The following DTNBP1 variants were observed in gnomAD, a reference collection of about 807,000 sequenced individuals.
DTNBP1 encodes dysbindin.
DTNBP1 carries 35 observed loss-of-function variants against 42.8 expected under a neutral mutation model. The observed-to-expected ratio is 0.82, with a 90% CI of 0.63 to 1.09. The LOEUF is 1.09. DTNBP1 is among the 50% of genes least tolerant of loss of function. DTNBP1 has a pLI of 0.00. For synonymous variants in DTNBP1, 171 were observed against 162.2 expected, an observed-to-expected ratio of 1.05 and a Z score of -0.41; for missense variants, 457 against 424.2, an observed-to-expected ratio of 1.08 and a Z score of -0.68.
intron 8 of DTNBP1, among the ~76,000 whole-genome samples, chr6:15,526,950 T>TTA (rs1772448013): frequency 6.6e-6 from 1 of 152,154 alleles, no homozygotes; most frequent in Admixed American, 6.5e-5. Context: ...AGTTAAGAGA[T>TTA]TATACAACTA....
At chr6:15,602,733 C>T (rs1776778780) in intron 6 of DTNBP1, among the ~76,000 whole-genome samples, 1 of 152,206 alleles carries the variant, frequency 6.6e-6, no homozygotes, top group South Asian at 2.1e-4. Flanking sequence ...AATAATTTTG[C>T]TTTGCTTAAT....
intron 7 of DTNBP1, among the ~76,000 whole-genome samples, chr6:15,538,236 G>A (rs1389477137): frequency 6.6e-6 from 1 of 152,188 alleles, no homozygotes; most frequent in Non-Finnish European, 1.5e-5. Flanking sequence ...TGTGAAGCGT[G>A]ACAGGGATTT....
chr6:15,630,141 C>T (rs1759602440), intron 4 of DTNBP1, among the ~76,000 whole-genome samples: 1 of 152,000 alleles, frequency 6.6e-6, no homozygotes, highest in Non-Finnish European at 1.5e-5. Context: ...AAAAGCACAC[C>T]AATGATGAAA....
chr6:15,583,249 C>T (rs903149384), intron 7 of DTNBP1, among the ~76,000 whole-genome samples: 1 of 152,206 alleles, frequency 6.6e-6, no homozygotes, highest in Admixed American at 6.5e-5. Flanking sequence ...TTCCAAAGTG[C>T]TGGGATTACA....
chr6:15,542,987 AC>A (rs1181594620), intron 7 of DTNBP1, among the ~76,000 whole-genome samples: 1 of 152,156 alleles, frequency 6.6e-6, no homozygotes, highest in African/African-American at 2.4e-5. Context: ...GGCATGAGAC[AC>A]CGTGCCCGGC....
chr6:15,562,367 T>C (rs888754161), intron 7 of DTNBP1, among the ~76,000 whole-genome samples: 3 of 152,230 alleles, frequency 2.0e-5, no homozygotes, highest in East Asian at 1.9e-4. Flanking sequence ...TGAGAAACCT[T>C]TGACTTTCTG....
At chr6:15,661,265 G>A (rs2113837852) in intron 1 of DTNBP1, among the ~76,000 whole-genome samples, 1 of 151,750 alleles carries the variant, frequency 6.6e-6, no homozygotes, top group African/African-American at 2.4e-5. Flanking sequence ...TAGGAGGGAG[G>A]ATCTCTTGTA....
At chr6:15,530,943 C>T (rs150458273) in intron 8 of DTNBP1, among the ~76,000 whole-genome samples, 1 of 152,136 alleles carries the variant, frequency 6.6e-6, no homozygotes, top group African/African-American at 2.4e-5. Flanking sequence ...ATGTTGAAGC[C>T]CTAACCCCCA....
At chr6:15,605,557 AT>A (rs1204291430) in intron 6 of DTNBP1, among the ~76,000 whole-genome samples, 1 of 152,112 alleles carries the variant, frequency 6.6e-6, no homozygotes, top group Non-Finnish European at 1.5e-5. Context: ...GTCTGAAATT[AT>A]TCTTTTTTTC....
At chr6:15,590,456 T>C (rs1478693374) in intron 7 of DTNBP1, among the ~76,000 whole-genome samples, 1 of 152,204 alleles carries the variant, frequency 6.6e-6, no homozygotes, top group Non-Finnish European at 1.5e-5. Flanking sequence ...TGACCACTTT[T>C]GTCCTACCTC....
At chr6:15,577,229 AG>A (rs1386980358) in intron 7 of DTNBP1, among the ~76,000 whole-genome samples, 1 of 152,202 alleles carries the variant, frequency 6.6e-6, no homozygotes, top group Non-Finnish European at 1.5e-5. Context: ...AAGGCCAGAG[AG>A]GGAGCAAAGG....
At chr6:15,640,371 T>C (rs1355983390) in intron 3 of DTNBP1, among the ~76,000 whole-genome samples, 1 of 152,214 alleles carries the variant, frequency 6.6e-6, no homozygotes, top group Non-Finnish European at 1.5e-5. Flanking sequence ...AATTTTTCTG[T>C]GTTCAAACTC....
At chr6:15,559,403 A>G (rs1774713515) in intron 7 of DTNBP1, among the ~76,000 whole-genome samples, 1 of 152,226 alleles carries the variant, frequency 6.6e-6, no homozygotes, top group South Asian at 2.1e-4. Context: ...ATCTTGTTTT[A>G]TCCTACACAA....
intron 7 of DTNBP1, among the ~76,000 whole-genome samples, chr6:15,553,593 G>GTTTTTTTTTTTTTTTTTT (rs1168459056): frequency 7.0e-5 from 1 of 14,266 alleles, no homozygotes; most frequent in Non-Finnish European, 1.2e-4. Context: ...TGACAAGTGA[G>GTTTTTTTTTTTTTTTTTT]CTTTTTTTTT....
At chr6:15,551,927 T>C (rs1242005642) in intron 7 of DTNBP1, among the ~76,000 whole-genome samples, 1 of 152,190 alleles carries the variant, frequency 6.6e-6, no homozygotes, top group African/African-American at 2.4e-5. Context: ...GGCCAGACGT[T>C]TGAGGTGCAG....
At position 15,550,330 on chromosome 6, in the gene DTNBP1, C is replaced by T. The variant is rs115379366; in HGVS notation, c.512-16935G>A. 4.2e-3 allele frequency among the ~76,000 whole-genome samples: 644 copies of T among 152,248 alleles called. 7 individuals are homozygous for T. Among genetic ancestry groups the T allele is most frequent in the African/African-American group, 0.014 (584 of 41,532 alleles). On this transcript the variant is annotated intron_variant, in intron 7 of 9. Coordinates refer to ENST00000344537, the MANE Select transcript of DTNBP1 (RefSeq NM_032122.5). ...ATGGGTATACTTTTTTGGCAATTTACGAGATAGTATGTGACAACAAAAATC... is the reference window on the plus strand; with the variant it reads ...ATGGGTATACTTTTTTGGCAATTTATGAGATAGTATGTGACAACAAAAATC...
rs1047918878 is a variant in DTNBP1 at position 15,663,001 on chromosome 6, C to G, written c.-132G>C. On this transcript the variant is annotated 5_prime_UTR_variant, in exon 1 of 10. Transcript: ENST00000344537. ...TCCCACTACCGGCCCCGCCCCCGGT[C>G]TGGTCCTCGCCGCCGCGCCGCAACC... is the stretch of plus-strand genomic sequence containing the variant. The G allele has an allele frequency of 2.3e-6, 3 of 1,314,156 alleles. No homozygotes were observed. Among genetic ancestry groups the G allele is most frequent in the Non-Finnish European group, 2.1e-6 (2 of 949,594 alleles). The allele number at this position is 1,314,156 out of a possible 1,614,324, so 81.4% of individuals were successfully genotyped here.
At chr6:15,580,975 G>A (rs891014865) in intron 7 of DTNBP1, among the ~76,000 whole-genome samples, 2 of 152,156 alleles carry the variant, frequency 1.3e-5, no homozygotes, top group Admixed American at 1.3e-4. Context: ...CAGCTACCAC[G>A]AAAAGAAAAG....
intron 3 of DTNBP1, among the ~76,000 whole-genome samples, chr6:15,649,393 T>C (rs964909965): frequency 6.6e-6 from 1 of 152,142 alleles, no homozygotes; most frequent in Non-Finnish European, 1.5e-5. Context: ...CTAAATGAAA[T>C]AAGCCGGTCA....
Sources: allele counts gnomAD v4.1 joint callset (sites outside exome capture counted in the v4.1 genomes callset), GRCh38; gene constraint gnomAD v4.1.1; transcripts MANE v1.5; gene names NCBI Gene and HGNC (gene_info 2026-07-23, HGNC 2026-07-21).